The following SDHA variants were observed in gnomAD, a reference collection of about 807,000 sequenced individuals.
The protein encoded by SDHA is succinate dehydrogenase [ubiquinone] flavoprotein subunit, mitochondrial.
SDHA carries 48 observed loss-of-function variants against 78.4 expected under a neutral mutation model. The observed-to-expected ratio is 0.61, with a 90% confidence interval of 0.49 to 0.78. The LOEUF is 0.78. Ranked by LOEUF, SDHA falls within the 30% of genes least tolerant of loss-of-function variation. The pLI, the probability that SDHA is intolerant of heterozygous loss-of-function variation, is 0.00. For synonymous variants in SDHA, 326 were observed against 353.9 expected (o/e 0.92, Z 0.88); for missense variants, 680 against 892.7 (o/e 0.76, Z 3.04).
At chr5:254,285 G>T in intron 13 of SDHA, 108 bp from the exon 14 acceptor site, 1 of 1,080,382 alleles carries the variant, frequency 9.3e-7, no homozygotes, top group Non-Finnish European at 1.3e-6. Flanking sequence ...AGTGGAAATG[G>T]AATGAGTTCT....
At chr5:250,933 G>A in intron 11 of SDHA, 59 bp from the exon 12 acceptor site, 1 of 1,444,372 alleles carries the variant, frequency 6.9e-7, no homozygotes, top group East Asian at 2.3e-5. Flanking sequence ...AAGTTAAGCA[G>A]TTCTTGGTAT....
chr5:231,577 A>C (rs913983162), intron 7 of SDHA, among the ~76,000 whole-genome samples: 8 of 151,160 alleles, frequency 5.3e-5, no homozygotes, highest in Non-Finnish European at 1.0e-4. Flanking sequence ...AAAAAAAAAA[A>C]AGTAAAGCAG....
At chr5:262,561 T>C in the SDHA span, among the ~76,000 whole-genome samples, 6 of 152,134 alleles carry the variant, frequency 3.9e-5, no homozygotes, top group African/African-American at 1.5e-4. Flanking sequence ...TGATCTGAGA[T>C]GGAACCGTTT....
chr5:218,823 C>T (rs1734540472), intron 1 of SDHA, among the ~76,000 whole-genome samples: 2 of 152,186 alleles, frequency 1.3e-5, no homozygotes, highest in South Asian at 4.1e-4. Context: ...GCCGCCCTGG[C>T]TGGGCTGGGC....
chr5:225,374 T>C, intron 3 of SDHA, 45 bp from the exon 4 acceptor site: 1 of 1,611,880 alleles, frequency 6.2e-7, no homozygotes, highest in East Asian at 2.2e-5. Context: ...AAGACAAAGT[T>C]GGCGCTCCTG....
intron 14 of SDHA, among the ~76,000 whole-genome samples, chr5:256,011 C>T (rs1737159123): frequency 6.6e-6 from 1 of 152,190 alleles, no homozygotes; most frequent in Non-Finnish European, 1.5e-5. Context: ...CTCCATAGCA[C>T]ATTTCTTTTG....
chr5:258,220 C>CGT (rs1342803977), downstream of SDHA, among the ~76,000 whole-genome samples: 6 of 99,732 alleles, frequency 6.0e-5, no homozygotes, highest in African/African-American at 6.2e-5. Flanking sequence ...AGAGCATTAC[C>CGT]GTGAGCTCCG....
chr5:253,632 A>G (rs373594053), intron 13 of SDHA, among the ~76,000 whole-genome samples: 1 of 151,900 alleles, frequency 6.6e-6, no homozygotes, highest in Non-Finnish European at 1.5e-5. Flanking sequence ...ATGGGGTTTC[A>G]CCATATTGGC....
At chr5:255,329 C>T (rs942275767) in intron 14 of SDHA, among the ~76,000 whole-genome samples, 1 of 151,754 alleles carries the variant, frequency 6.6e-6, no homozygotes, top group Non-Finnish European at 1.5e-5. Flanking sequence ...TCTAGTGTGT[C>T]TGTGATTCAG....
chr5:230,854 C>T (rs372431049), intron 6 of SDHA, 22 bp from the exon 7 acceptor site: 3 of 1,613,250 alleles, frequency 1.9e-6, no homozygotes, highest in African/African-American at 2.7e-5. Flanking sequence ...TGTGTGCAGT[C>T]ACTGCTCTCT....
At chr5:238,018 A>G (rs1193652184) in intron 10 of SDHA, among the ~76,000 whole-genome samples, 5 of 137,400 alleles carry the variant, frequency 3.6e-5, no homozygotes, top group Admixed American at 7.0e-5. Context: ...TCTCAGAGCA[A>G]TGTAGAAATT....
Position 225,400 on chromosome 5 carries a change from G to T in SDHA, c.313-19G>T, listed in dbSNP as rs185555941. 3.0e-3 allele frequency: 4,911 copies of T among 1,612,170 alleles called. 11 individuals carry two copies. The highest frequency in any genetic ancestry group is 3.7e-3 in the Non-Finnish European group (4,408 of 1,179,852). The stretch of plus-strand genomic sequence containing the variant: ...GGCGCTCCTGTTTGTGGCTTGTAAG[G>T]AGTGGTTGGTGTTTCCAGGGAGGAA... On this transcript the variant is annotated intron_variant, in intron 3 of 14. Coordinates refer to ENST00000264932, the MANE Select transcript of SDHA (RefSeq NM_004168.4).
intron 11 of SDHA, among the ~76,000 whole-genome samples, chr5:246,399 G>A (rs1293862519): frequency 5.1e-5 from 7 of 136,710 alleles, no homozygotes; most frequent in African/African-American, 1.4e-4. Context: ...ACGCAAGGCC[G>A]TAAAGCCCAA....
intron 7 of SDHA, among the ~76,000 whole-genome samples, chr5:231,864 C>T (rs1009742168): frequency 6.6e-6 from 1 of 152,152 alleles, no homozygotes; most frequent in Non-Finnish European, 1.5e-5. Context: ...CTGGGCTCAG[C>T]CCACGTGACC....
intron 6 of SDHA, among the ~76,000 whole-genome samples, chr5:229,971 T>C (rs1176269367): frequency 6.6e-6 from 1 of 152,210 alleles, no homozygotes. Context: ...GTTAATATTA[T>C]ACAGCATGGT....
At chr5:248,536 T>G (rs182072568) in intron 11 of SDHA, among the ~76,000 whole-genome samples, 355 of 152,332 alleles carry the variant, frequency 2.3e-3, no homozygotes, top group Non-Finnish European at 3.5e-3. Flanking sequence ...TGCCTGGATG[T>G]AATCACTCTA....
Position 256,833 on chromosome 5 carries a change from T to A in SDHA, c.*413T>A, listed in dbSNP as rs1737235600. The A allele has an allele frequency of 3.5e-6, 1 of 284,366 alleles. No individual in the cohort carries two copies. Among genetic ancestry groups the A allele is most frequent in the Non-Finnish European group, 6.7e-6 (1 of 150,370 alleles). 17.6% of individuals were successfully genotyped at this position (284,366 alleles called of 1,614,324 possible). A position where few individuals can be genotyped will look rare whatever the true frequency, so the allele number is the denominator to read the frequency against. On this transcript the variant is annotated 3_prime_UTR_variant, in exon 15 of 15. Coordinates refer to ENST00000264932, the MANE Select transcript of SDHA (RefSeq NM_004168.4). ...TTCTTTTTTCTTTTTCTTTTCTTTT[T>A]TTTTTTTGAGACAGGATCGGTGCAG...
At position 251,326 on chromosome 5, in the gene SDHA, T is replaced by C; in HGVS notation, c.1664-12T>C. 1 of 1,611,924 alleles carries C rather than the reference T, an allele frequency of 6.2e-7. No individual in the cohort carries two copies. The highest frequency in any genetic ancestry group is 1.1e-5 in the South Asian group (1 of 90,990). ...TCCCGCCTGCCCCTGATGGAACTTT[T>C]TGTGTCCCCAGGAATGGTCTGGAAC... On this transcript the variant is annotated splice_polypyrimidine_tract_variant and intron_variant, in intron 12 of 14. Transcript: ENST00000264932.
At chr5:228,893 A>C (rs1054472145) in intron 6 of SDHA, among the ~76,000 whole-genome samples, 3 of 152,082 alleles carry the variant, frequency 2.0e-5, no homozygotes, top group African/African-American at 7.2e-5. Context: ...CAAAAAAAAA[A>C]CCCTACTAAA....
Sources: allele counts gnomAD v4.1 joint callset (sites outside exome capture counted in the v4.1 genomes callset), GRCh38; gene constraint gnomAD v4.1.1; transcripts MANE v1.5; gene names NCBI Gene and HGNC (gene_info 2026-07-23, HGNC 2026-07-21).